PTBP3: variants seen among roughly 807,000 people sequenced by gnomAD.
The protein encoded by PTBP3 is polypyrimidine tract-binding protein 3.
PTBP3 carries 20 observed loss-of-function variants against 58.7 expected under a neutral mutation model. The observed-to-expected ratio is 0.34, with a 90% CI of 0.24 to 0.50. The LOEUF (loss-of-function observed/expected upper bound fraction) is 0.50. PTBP3 is among the 20% of genes least tolerant of loss of function. The pLI is 0.98. For missense variants in PTBP3, 509 were observed against 637.2 expected (o/e 0.80, Z 2.17); for synonymous variants, 185 against 219.8 (o/e 0.84, Z 1.40).
intron 1 of PTBP3, among the ~76,000 whole-genome samples, chr9:112,306,605 T>TA (rs746604981): frequency 1.8e-4 from 17 of 94,154 alleles, no homozygotes; most frequent in African/African-American, 1.2e-3. Context: ...TATATATATA[T>TA]TTTTGTTTGT....
At chr9:112,377,853 C>T in the PTBP3 span, among the ~76,000 whole-genome samples, 53,878 of 152,064 alleles carry the variant, frequency 0.35, 10,256 homozygotes, top group Admixed American at 0.49. Flanking sequence ...CTGATACCAT[C>T]TTCCCCCTTT....
chr9:112,379,221 T>C, the PTBP3 span, among the ~76,000 whole-genome samples: 1 of 152,178 alleles, frequency 6.6e-6, no homozygotes. Flanking sequence ...AGAGAGTACA[T>C]AAGCCATCTC....
Position 112,297,929 on chromosome 9 carries a change from A to G in PTBP3, c.-51-13T>C. Reference sequence around the variant, plus strand: ...CATCAGATCCCCGCTGAAAAGCAAAACCAATGTTTGGTTAATAAACCAAGT... The same window carrying G: ...CATCAGATCCCCGCTGAAAAGCAAAGCCAATGTTTGGTTAATAAACCAAGT... On this transcript the variant is annotated splice_polypyrimidine_tract_variant and intron_variant, in intron 1 of 13. Coordinates refer to ENST00000374257, the MANE Select transcript of PTBP3 (RefSeq NM_001163788.4). The G allele has an allele frequency of 6.2e-7, 1 of 1,600,324 alleles. No homozygotes were observed. The highest frequency in any genetic ancestry group is 1.1e-5 in the South Asian group (1 of 88,432).
chr9:112,303,051 C>T (rs1026293025), intron 1 of PTBP3, among the ~76,000 whole-genome samples: 2 of 152,152 alleles, frequency 1.3e-5, no homozygotes, highest in African/African-American at 4.8e-5. Flanking sequence ...AATTATTCCA[C>T]TGGTTACTGA....
In PTBP3 at chr9:112,221,167, A is replaced by T. The variant is rs1266971566; in HGVS notation, c.*2684T>A. 6 of 985,626 alleles carry T rather than the reference A, an allele frequency of 6.1e-6. No individual in the cohort carries two copies. Among genetic ancestry groups the T allele is most frequent in the Non-Finnish European group, 7.2e-6 (6 of 829,892 alleles). The allele number at this position is 985,626 out of a possible 1,614,324, so 61.1% of individuals were successfully genotyped here. A position where few individuals can be genotyped will look rare whatever the true frequency, so the allele number is the denominator to read the frequency against. ...AAAACAAGAACATCCCACATCTCCA[A>T]ATCTTAATTTGGTTAATTTTGTCAA... On this transcript the variant is annotated 3_prime_UTR_variant, in exon 14 of 14. Coordinates refer to ENST00000374257, the MANE Select transcript of PTBP3 (RefSeq NM_001163788.4).
chr9:112,286,560 C>A (rs1458464668), intron 2 of PTBP3, among the ~76,000 whole-genome samples: 1 of 152,120 alleles, frequency 6.6e-6, no homozygotes, highest in Non-Finnish European at 1.5e-5. Flanking sequence ...TAAGAACCTT[C>A]CAAAGTATAC....
intron 5 of PTBP3, among the ~76,000 whole-genome samples, chr9:112,255,476 T>C (rs770090666): frequency 2.6e-5 from 4 of 152,130 alleles, no homozygotes; most frequent in Non-Finnish European, 5.9e-5. Flanking sequence ...AGGAGTAACG[T>C]TAGACTTTAA....
At chr9:112,332,830 G>A (rs1313511316) in intron 1 of PTBP3, 9 of 1,612,082 alleles carry the variant, frequency 5.6e-6, no homozygotes, top group Middle Eastern at 3.3e-4. Context: ...GAAAGGTGAG[G>A]GGGAAGCGTC....
the PTBP3 span, among the ~76,000 whole-genome samples, chr9:112,362,034 T>C: frequency 6.6e-6 from 1 of 152,208 alleles, no homozygotes; most frequent in Non-Finnish European, 1.5e-5. Flanking sequence ...TAGTATATCT[T>C]CTTTAGAAAA....
intron 1 of PTBP3, among the ~76,000 whole-genome samples, chr9:112,333,269 G>C (rs1830455722): frequency 6.6e-6 from 1 of 152,078 alleles, no homozygotes. Context: ...GGGGAAAGGA[G>C]AGCCTGCGGC....
chr9:112,244,155 G>A (rs1835773388), intron 7 of PTBP3, among the ~76,000 whole-genome samples: 1 of 151,294 alleles, frequency 6.6e-6, no homozygotes, highest in African/African-American at 2.4e-5. Context: ...CAAAAACCAT[G>A]GTGGCATGCG....
At chr9:112,304,794 C>T (rs1411263433) in intron 1 of PTBP3, among the ~76,000 whole-genome samples, 1 of 152,058 alleles carries the variant, frequency 6.6e-6, no homozygotes, top group Admixed American at 6.6e-5. Flanking sequence ...TGATTGATCG[C>T]TTATTTTTTA....
the PTBP3 span, among the ~76,000 whole-genome samples, chr9:112,340,013 G>A: frequency 0.011 from 1,665 of 152,108 alleles, 28 homozygotes; most frequent in African/African-American, 0.034. Context: ...CACCCAGGCT[G>A]GAGTGTAGTG....
the PTBP3 span, among the ~76,000 whole-genome samples, chr9:112,347,623 G>A: frequency 6.6e-6 from 1 of 152,168 alleles, no homozygotes; most frequent in African/African-American, 2.4e-5. Context: ...GATTACAGGT[G>A]TGAGCTACTG....
At chr9:112,282,950 T>C (rs989733009) in intron 2 of PTBP3, among the ~76,000 whole-genome samples, 1 of 152,114 alleles carries the variant, frequency 6.6e-6, no homozygotes, top group African/African-American at 2.4e-5. Flanking sequence ...GTGAGGGAGT[T>C]CTCGCAAGAT....
chr9:112,335,846 C>T (rs573047710), upstream of PTBP3, among the ~76,000 whole-genome samples: 6 of 147,550 alleles, frequency 4.1e-5, no homozygotes, highest in East Asian at 8.5e-4. Flanking sequence ...AATCTCAACC[C>T]GGTAAGCAGA....
chr9:112,346,032 C>T, the PTBP3 span, among the ~76,000 whole-genome samples: 12 of 149,222 alleles, frequency 8.0e-5, no homozygotes, highest in South Asian at 2.1e-4. Flanking sequence ...ATTTTTGAGA[C>T]GGGGTTTCGC....
At chr9:112,371,555 A>G in the PTBP3 span, among the ~76,000 whole-genome samples, 311 of 151,532 alleles carry the variant, frequency 2.1e-3, 1 homozygote, top group Non-Finnish European at 3.6e-3. Context: ...TCCTCCACAC[A>G]TTGTTCAAGA....
the PTBP3 span, among the ~76,000 whole-genome samples, chr9:112,352,919 G>C: frequency 7.2e-6 from 1 of 139,462 alleles, no homozygotes; most frequent in South Asian, 2.2e-4. Context: ...TTTTTTTTTT[G>C]AGACAGAGTC....
Sources: gnomAD v4.1 joint callset for allele counts (sites outside exome capture counted in the v4.1 genomes callset) on GRCh38, gnomAD v4.1.1 for gene constraint, MANE v1.5 for transcripts, NCBI Gene and HGNC (gene_info 2026-07-23, HGNC 2026-07-21) for gene names.